GRM4: variants seen among roughly 807,000 people sequenced by gnomAD.
GRM4 encodes the protein glutamate metabotropic receptor 4.
GRM4 carries 28 observed loss-of-function variants against 81.7 expected under a neutral mutation model. The observed-to-expected ratio is 0.34, with a 90% confidence interval of 0.25 to 0.47. The LOEUF (loss-of-function observed/expected upper bound fraction) is 0.47. GRM4 is among the 20% of genes least tolerant of loss of function. GRM4 has a pLI of 1.00. For synonymous variants in GRM4, 488 were observed against 528.8 expected (o/e 0.92, Z 1.06); for missense variants, 948 against 1,290.0 (o/e 0.73, Z 4.06).
intron 2 of GRM4, among the ~76,000 whole-genome samples, chr6:34,106,461 T>C (rs1389143957): frequency 1.8e-5 from 2 of 113,470 alleles, no homozygotes; most frequent in South Asian, 2.7e-4. Context: ...TCCCTTCTCA[T>C]AGAGTGAAAA....
At chr6:34,072,890 C>A (rs373139409) in intron 3 of GRM4, among the ~76,000 whole-genome samples, 2 of 48,512 alleles carry the variant, frequency 4.1e-5, no homozygotes, top group Non-Finnish European at 8.0e-5. Flanking sequence ...CACATCATCA[C>A]ACAGATACCA....
At chr6:34,131,978 C>T (rs1262455489) in intron 2 of GRM4, among the ~76,000 whole-genome samples, 2 of 122,230 alleles carry the variant, frequency 1.6e-5, no homozygotes, top group East Asian at 2.6e-4. Flanking sequence ...CACACATGCA[C>T]ACACACACAC....
intron 6 of GRM4, among the ~76,000 whole-genome samples, chr6:34,041,641 C>T (rs1366791593): frequency 6.6e-6 from 1 of 152,110 alleles, no homozygotes; most frequent in Non-Finnish European, 1.5e-5. Context: ...GATAAGGTAC[C>T]GAAAACACTT....
At chr6:34,088,184 G>A (rs775473600) in intron 3 of GRM4, among the ~76,000 whole-genome samples, 1 of 151,950 alleles carries the variant, frequency 6.6e-6, no homozygotes, top group Non-Finnish European at 1.5e-5. Context: ...GTGCAATGGC[G>A]CAATCTCGGC....
intron 3 of GRM4, among the ~76,000 whole-genome samples, chr6:34,073,483 A>T (rs1581657929): frequency 2.0e-5 from 3 of 151,938 alleles, no homozygotes; most frequent in Admixed American, 2.0e-4. Context: ...ATACACAGTC[A>T]GATACGCACC....
intron 3 of GRM4, among the ~76,000 whole-genome samples, chr6:34,088,270 C>T (rs1012878833): frequency 3.9e-5 from 6 of 152,090 alleles, no homozygotes; most frequent in Non-Finnish European, 8.8e-5. Flanking sequence ...ATTACAGGCT[C>T]GTGCCACCAG....
intron 3 of GRM4, among the ~76,000 whole-genome samples, chr6:34,084,574 G>A (rs971902878): frequency 2.6e-5 from 4 of 152,182 alleles, no homozygotes; most frequent in Non-Finnish European, 4.4e-5. Context: ...GAGCAAGTTA[G>A]GCACGACAAG....
chr6:34,144,049 C>T (rs748240609), intron 1 of GRM4, among the ~76,000 whole-genome samples: 14 of 152,252 alleles, frequency 9.2e-5, no homozygotes, highest in Non-Finnish European at 4.4e-5. Context: ...GCGCCAGGGG[C>T]CGGCAATGGT....
intron 3 of GRM4, among the ~76,000 whole-genome samples, chr6:34,067,163 T>G (rs1050376758): frequency 1.4e-4 from 22 of 152,282 alleles, no homozygotes; most frequent in African/African-American, 4.8e-4. Context: ...ACATAGACAC[T>G]TCGTGGATGA....
At chr6:34,150,102 G>C (rs959156092), upstream of GRM4, among the ~76,000 whole-genome samples, 2 of 152,160 alleles carry the variant, frequency 1.3e-5, no homozygotes, top group African/African-American at 4.8e-5. Flanking sequence ...TCTCAGATAA[G>C]GGCCTTGCAC....
At chr6:34,107,380 G>A (rs1166832276) in intron 2 of GRM4, among the ~76,000 whole-genome samples, 1 of 152,154 alleles carries the variant, frequency 6.6e-6, no homozygotes. Context: ...CTGGCGCCAT[G>A]GCAAGCACCA....
At chr6:34,040,435 T>C (rs1321208057) in intron 7 of GRM4, 113 bp downstream of exon 7, 3 of 1,434,492 alleles carry the variant, frequency 2.1e-6, no homozygotes, top group African/African-American at 2.8e-5. Flanking sequence ...ATTTCACCTC[T>C]TGGAAACATC....
rs1431645488 is a variant in GRM4 at position 34,078,413 on chromosome 6, C to A, written c.736+13470G>T. ...TCCACCCAGGTCCTAGGTATGATGA[C>A]CATTTTACAGATAAGGAAACCAAGC... is the stretch of plus-strand genomic sequence containing the variant. On this transcript the variant is annotated intron_variant, in intron 3 of 10. Coordinates refer to ENST00000538487, the MANE Select transcript of GRM4 (RefSeq NM_000841.4). The surrounding 1 kb of genome is among the most constrained non-coding windows in gnomAD (Gnocchi z 4.8). Among the ~76,000 whole-genome samples, 1 of 152,118 alleles carries A rather than the reference C, an allele frequency of 6.6e-6. No homozygotes were observed. Among genetic ancestry groups the A allele is most frequent in the Non-Finnish European group, 1.5e-5 (1 of 68,032 alleles).
intron 1 of GRM4, among the ~76,000 whole-genome samples, chr6:34,154,630 C>G (rs1202956133): frequency 6.6e-6 from 1 of 151,088 alleles, no homozygotes; most frequent in African/African-American, 2.4e-5. Flanking sequence ...CACACACACT[C>G]TTAGACTTCA....
At position 34,089,371 on chromosome 6, in the gene GRM4, G is replaced by GCTCT. The variant is rs3041194; in HGVS notation, c.736+2508_736+2511dup. 3.1e-4 allele frequency among the ~76,000 whole-genome samples: 47 copies of GCTCT among 150,682 alleles called. No individual in the cohort carries two copies. The highest frequency in any genetic ancestry group is 6.3e-4 in the African/African-American group (26 of 41,090). On this transcript the variant is annotated intron_variant, in intron 3 of 10. Coordinates refer to ENST00000538487, the MANE Select transcript of GRM4 (RefSeq NM_000841.4). The surrounding 1 kb of genome is among the most constrained non-coding windows in gnomAD (Gnocchi z 4.3). ...TTTCAATTTGGCCAGCTGAAGTGCA[G>GCTCT]CTCTCTCTCTCTCTCTTCCTTTCTT...
At chr6:34,040,411 G>C in intron 7 of GRM4, 97 bp from the exon 8 acceptor site, 2 of 1,457,090 alleles carry the variant, frequency 1.4e-6, no homozygotes, top group Non-Finnish European at 1.9e-6. Flanking sequence ...CCCATTCATG[G>C]AACATTCTGG....
At chr6:34,071,724 CCA>C (rs1766882547) in intron 3 of GRM4, among the ~76,000 whole-genome samples, 1 of 145,376 alleles carries the variant, frequency 6.9e-6, no homozygotes, top group South Asian at 2.2e-4. Flanking sequence ...ACACACATCA[CCA>C]CACAGATATA....
In GRM4 at chr6:34,080,338, G is replaced by A. The variant is rs1374950659; in HGVS notation, c.736+11545C>T. On this transcript the variant is annotated intron_variant, in intron 3 of 10. Coordinates refer to ENST00000538487, the MANE Select transcript of GRM4 (RefSeq NM_000841.4). The surrounding 1 kb of genome is among the most constrained non-coding windows in gnomAD (Gnocchi z 5.4). ...TTCAGAGCAGCATCTTTCACAGCTG[G>A]TATCTCAAATTATAATTATACAGTG... 6.6e-6 allele frequency among the ~76,000 whole-genome samples: 1 copy of A among 152,122 alleles called. No homozygotes were observed. The highest frequency in any genetic ancestry group is 1.5e-5 in the Non-Finnish European group (1 of 68,024).
At chr6:34,093,923 T>G (rs969059045) in intron 2 of GRM4, among the ~76,000 whole-genome samples, 41 of 152,246 alleles carry the variant, frequency 2.7e-4, no homozygotes, top group African/African-American at 9.6e-4. Flanking sequence ...CTGCAGCTCT[T>G]GTAGTCTTTA....
Sources: gnomAD v4.1 joint callset for allele counts (sites outside exome capture counted in the v4.1 genomes callset) on GRCh38, gnomAD v4.1.1 for gene constraint, Gnocchi (gnomAD v3.1) non-coding constraint, MANE v1.5 for transcripts, NCBI Gene and HGNC (gene_info 2026-07-23, HGNC 2026-07-21) for gene names.